SLC24A2: variants seen among roughly 807,000 people sequenced by gnomAD.
SLC24A2 encodes sodium/potassium/calcium exchanger 2.
Under a neutral mutation model 62.0 loss-of-function variants are expected in SLC24A2, and 36 were observed. The observed-to-expected ratio is 0.58, with a 90% CI of 0.44 to 0.77. The LOEUF (loss-of-function observed/expected upper bound fraction) is 0.77, where lower values mean the gene tolerates loss of function less well. Among genes scored for constraint, SLC24A2 ranks in the 30% least tolerant of loss-of-function variants. The pLI, the probability that SLC24A2 is intolerant of heterozygous loss-of-function variation, is 0.00. For missense variants in SLC24A2, 846 were observed against 817.9 expected, an observed-to-expected ratio of 1.03 and a Z score of -0.42; for synonymous variants, 358 against 294.0, an observed-to-expected ratio of 1.22 and a Z score of -2.23.
At chr9:19,864,996 C>T in the SLC24A2 span, among the ~76,000 whole-genome samples, 44 of 151,688 alleles carry the variant, frequency 2.9e-4, no homozygotes, top group Admixed American at 2.8e-3. Context: ...TTGCAGGATA[C>T]AAAAATCAAC....
intron 6 of SLC24A2, among the ~76,000 whole-genome samples, chr9:19,574,163 G>A (rs1384022238): frequency 6.6e-6 from 1 of 152,198 alleles, no homozygotes; most frequent in East Asian, 1.9e-4. Flanking sequence ...CTCTTCCAGT[G>A]CCTAGGTGGC....
At chr9:19,975,041 T>C in the SLC24A2 span, among the ~76,000 whole-genome samples, 1 of 152,164 alleles carries the variant, frequency 6.6e-6, no homozygotes, top group African/African-American at 2.4e-5. Context: ...TAAGTTTTTG[T>C]TGGCTAAAAC....
At chr9:19,690,319 T>G (rs909173738) in intron 2 of SLC24A2, among the ~76,000 whole-genome samples, 12 of 152,094 alleles carry the variant, frequency 7.9e-5, no homozygotes, top group African/African-American at 2.9e-4. Context: ...ACCCTCGGCT[T>G]CACGAGGATG....
At chr9:19,584,121 T>C (rs561635709) in intron 5 of SLC24A2, among the ~76,000 whole-genome samples, 1 of 152,042 alleles carries the variant, frequency 6.6e-6, no homozygotes, top group Non-Finnish European at 1.5e-5. Context: ...TCTGCCATCT[T>C]TAGTATCCCT....
intron 7 of SLC24A2, among the ~76,000 whole-genome samples, chr9:19,567,708 T>G (rs1220636598): frequency 9.4e-6 from 1 of 106,164 alleles, no homozygotes; most frequent in African/African-American, 3.1e-5. Flanking sequence ...AAAAAAAAAT[T>G]TGAGAAGGTT....
At chr9:20,145,405 G>C in the SLC24A2 span, among the ~76,000 whole-genome samples, 6 of 151,898 alleles carry the variant, frequency 4.0e-5, no homozygotes, top group African/African-American at 1.5e-4. Context: ...CAATCTCTCA[G>C]TTTCCTAGAA....
At chr9:20,250,044 G>C in the SLC24A2 span, among the ~76,000 whole-genome samples, 1 of 152,202 alleles carries the variant, frequency 6.6e-6, no homozygotes, top group Non-Finnish European at 1.5e-5. Flanking sequence ...ATAATGAGCA[G>C]AGAAGGATTT....
chr9:19,853,562 T>C, the SLC24A2 span, among the ~76,000 whole-genome samples: 1 of 152,256 alleles, frequency 6.6e-6, no homozygotes, highest in Non-Finnish European at 1.5e-5. Context: ...TCTATTGAGA[T>C]AATCATGTGG....
chr9:20,043,578 C>T, the SLC24A2 span, among the ~76,000 whole-genome samples: 2 of 152,098 alleles, frequency 1.3e-5, no homozygotes, highest in Admixed American at 6.5e-5. Flanking sequence ...TGATTCCAGC[C>T]CTCATAGATG....
At chr9:19,578,141 A>G (rs1341972061) in intron 5 of SLC24A2, among the ~76,000 whole-genome samples, 2 of 151,906 alleles carry the variant, frequency 1.3e-5, no homozygotes, top group Non-Finnish European at 2.9e-5. Flanking sequence ...TGCAGTGTAC[A>G]TATGGTTGAT....
At chr9:20,281,163 C>G in the SLC24A2 span, among the ~76,000 whole-genome samples, 1 of 152,114 alleles carries the variant, frequency 6.6e-6, no homozygotes, top group African/African-American at 2.4e-5. Context: ...CTCCTGGGCT[C>G]AAGCGATCCT....
At chr9:20,164,483 A>G in the SLC24A2 span, among the ~76,000 whole-genome samples, 2 of 151,938 alleles carry the variant, frequency 1.3e-5, no homozygotes, top group South Asian at 2.1e-4. Flanking sequence ...GTCAGGAAAC[A>G]ACAGGTGCTG....
chr9:20,273,098 C>G, the SLC24A2 span, among the ~76,000 whole-genome samples: 1 of 152,228 alleles, frequency 6.6e-6, no homozygotes, highest in South Asian at 2.1e-4. Flanking sequence ...CCACACCCAA[C>G]AGAGGATGTG....
chr9:19,962,326 A>C, the SLC24A2 span, among the ~76,000 whole-genome samples: 2 of 152,202 alleles, frequency 1.3e-5, no homozygotes, highest in Non-Finnish European at 2.9e-5. Flanking sequence ...CTTTTAGCTT[A>C]GGATTGACTT....
intron 1 of SLC24A2, among the ~76,000 whole-genome samples, chr9:19,788,298 G>A (rs1823239400): frequency 6.6e-6 from 1 of 152,170 alleles, no homozygotes; most frequent in South Asian, 2.1e-4. Flanking sequence ...AGCACTCAGG[G>A]GATTGTGTAA....
chr9:19,894,431 C>A, the SLC24A2 span, among the ~76,000 whole-genome samples: 1 of 152,112 alleles, frequency 6.6e-6, no homozygotes, highest in South Asian at 2.1e-4. Context: ...TGTTTATTTT[C>A]AGTTTTCCTG....
chr9:19,533,854 C>G (rs1485091015), intron 8 of SLC24A2, among the ~76,000 whole-genome samples: 1 of 152,206 alleles, frequency 6.6e-6, no homozygotes, highest in Non-Finnish European at 1.5e-5. Flanking sequence ...TAAGCATGAT[C>G]ACTTACTGGA....
At position 19,744,948 on chromosome 9, in the gene SLC24A2, T is replaced by C. The variant is rs191584851; in HGVS notation, c.930+40989A>G. Among the ~76,000 whole-genome samples, 135 of 152,252 alleles carry C rather than the reference T, an allele frequency of 8.9e-4. 1 individual carries two copies. Among genetic ancestry groups the C allele is most frequent in the African/African-American group, 3.1e-3 (130 of 41,548 alleles). ...TGTATTCTTGAAGGTCACTAGGAAG[T>C]TTCTAACTAGTTGATATGGTCTGGA... On this transcript the variant is annotated intron_variant, in intron 2 of 10. Transcript: ENST00000341998.
intron 7 of SLC24A2, among the ~76,000 whole-genome samples, chr9:19,561,235 T>C (rs1386054779): frequency 4.0e-5 from 6 of 151,168 alleles, no homozygotes; most frequent in Non-Finnish European, 8.9e-5. Context: ...TGGCCTGTAT[T>C]TGTATTTTTT....
Sources: gnomAD v4.1 joint callset for allele counts (sites outside exome capture counted in the v4.1 genomes callset) on GRCh38, gnomAD v4.1.1 for gene constraint, MANE v1.5 for transcripts, NCBI Gene and HGNC (gene_info 2026-07-23, HGNC 2026-07-21) for gene names.